The following TGIF1 variants were observed in gnomAD, a reference collection of about 807,000 sequenced individuals.
TGIF1 encodes the protein TGFB induced factor homeobox 1.
In TGIF1, 4 loss-of-function variants were observed where a neutral mutation model predicts 19.3. The observed-to-expected ratio is 0.21, with a 90% CI of 0.10 to 0.47. The LOEUF (loss-of-function observed/expected upper bound fraction) is 0.47. Among genes scored for constraint, TGIF1 ranks in the 20% least tolerant of loss-of-function variants. TGIF1 has a pLI of 0.98. For synonymous variants in TGIF1, 122 were observed against 129.3 expected (o/e 0.94, Z 0.38); for missense variants, 275 against 341.4 (o/e 0.81, Z 1.53).
rs957235538 is a variant in TGIF1 at position 3,451,586 on chromosome 18, G to A, written c.16+1081G>A. ...ATGCCCGGGAGCCGCCTGGAGTTTG[G>A]AACTCCACATTCTTTCAGACCCGGC... is the stretch of plus-strand genomic sequence containing the variant. On this transcript the variant is annotated intron_variant, in intron 1 of 2. Transcript: ENST00000343820. The surrounding 1 kb of genome is among the most constrained non-coding windows in gnomAD (Gnocchi z 5.4). 7 of 1,037,838 alleles carry A rather than the reference G, an allele frequency of 6.7e-6. No homozygotes were observed. The highest frequency in any genetic ancestry group is 9.0e-5 in the South Asian group (2 of 22,172). 64.3% of individuals were successfully genotyped at this position (1,037,838 alleles called of 1,614,324 possible).
upstream of TGIF1, among the ~76,000 whole-genome samples, chr18:3,449,230 TC>T (rs1055870082): frequency 6.6e-6 from 1 of 152,006 alleles, no homozygotes; most frequent in African/African-American, 2.4e-5. Context: ...GGAGGAGGGA[TC>T]CCCTAGCAGG....
At chr18:3,417,303 G>T (rs763419790) in intron 1 of TGIF1, among the ~76,000 whole-genome samples, 5 of 152,090 alleles carry the variant, frequency 3.3e-5, no homozygotes, top group African/African-American at 7.2e-5. Flanking sequence ...GGGACTACAG[G>T]CATGAGCCAC....
At chr18:3,447,741 T>C, upstream of TGIF1, 1 of 1,614,212 alleles carries the variant, frequency 6.2e-7, no homozygotes. Flanking sequence ...CGTTTGGATA[T>C]GACTTGCTCG....
chr18:3,451,207 G>A lies in TGIF1; in HGVS notation c.16+702G>A, dbSNP rs2082914158. 6.6e-6 allele frequency among the ~76,000 whole-genome samples: 1 copy of A among 152,226 alleles called. No individual in the cohort carries two copies. Among genetic ancestry groups the A allele is most frequent in the African/African-American group, 2.4e-5 (1 of 41,460 alleles). ...GGCCAGCAGCTTCAAGCGGCATGCA[G>A]TCAAAATGCGTCCAAATGTGACAAG... On this transcript the variant is annotated intron_variant, in intron 1 of 2. Coordinates refer to ENST00000343820, the MANE Select transcript of TGIF1 (RefSeq NM_003244.4). The surrounding 1 kb of genome is among the most constrained non-coding windows in gnomAD (Gnocchi z 5.4).
upstream of TGIF1, among the ~76,000 whole-genome samples, chr18:3,446,295 T>G (rs1054602555): frequency 2.0e-5 from 3 of 152,120 alleles, no homozygotes; most frequent in East Asian, 5.8e-4. Context: ...GCAACCCTCC[T>G]GTCTCAGCCT....
intron 2 of TGIF1, among the ~76,000 whole-genome samples, chr18:3,425,087 G>A (rs941813767): frequency 8.5e-5 from 13 of 152,302 alleles, no homozygotes; most frequent in Non-Finnish European, 1.8e-4. Context: ...TCTAAAGTGG[G>A]GCAGTCTTGT....
Position 3,456,819 on chromosome 18 carries a change from A to G in TGIF1, c.243+239A>G. ...TGCCTAAAAGAACCTTCCTTTATGC[A>G]ACAGACATTAAAAGGAGGTTAAACC... On this transcript the variant is annotated intron_variant, in intron 2 of 2. Coordinates refer to ENST00000343820, the MANE Select transcript of TGIF1 (RefSeq NM_003244.4). The surrounding 1 kb of genome is among the most constrained non-coding windows in gnomAD (Gnocchi z 4.2). The G allele has an allele frequency of 1.6e-6, 1 of 632,570 alleles. No homozygotes were observed. Among genetic ancestry groups the G allele is most frequent in the Admixed American group, 2.6e-5 (1 of 37,908 alleles). The allele number at this position is 632,570 out of a possible 1,614,324, so 39.2% of individuals were successfully genotyped here.
intron 2 of TGIF1, among the ~76,000 whole-genome samples, chr18:3,430,413 A>G (rs1307016794): frequency 2.6e-5 from 4 of 152,310 alleles, no homozygotes; most frequent in Non-Finnish European, 4.4e-5. Context: ...AATGTTACTT[A>G]TATTAACGTG....
chr18:3,443,246 C>A (rs947062528), intron 2 of TGIF1, among the ~76,000 whole-genome samples: 2 of 151,916 alleles, frequency 1.3e-5, no homozygotes, highest in African/African-American at 2.4e-5. Flanking sequence ...CTGAGTTACA[C>A]ATTGGAAACA....
At chr18:3,447,428 G>A (rs1047628597), upstream of TGIF1, among the ~76,000 whole-genome samples, 1 of 150,976 alleles carries the variant, frequency 6.6e-6, no homozygotes, top group African/African-American at 2.4e-5. Context: ...GACTGACAGA[G>A]CTAGAAATGA....
chr18:3,451,690 AC>A lies in TGIF1; in HGVS notation c.16+1186del, dbSNP rs755512023. ...CTGCGTTTCTGTGGGAGGCCCTGAA[AC>A]GCGCGGAGCTTCCCTCTGCCTCCAG... On this transcript the variant is annotated intron_variant, in intron 1 of 2. Transcript: ENST00000343820. The surrounding 1 kb of genome is among the most constrained non-coding windows in gnomAD (Gnocchi z 5.4). 5.7e-5 allele frequency: 68 copies of A among 1,195,788 alleles called. No individual in the cohort carries two copies. The highest frequency in any genetic ancestry group is 6.6e-5 in the Non-Finnish European group (64 of 964,984). The allele number at this position is 1,195,788 out of a possible 1,614,324, so 74.1% of individuals were successfully genotyped here.
rs2143304904 is a variant in TGIF1, at chr18:3,450,435, G to A, written c.-55G>A. On this transcript the variant is annotated 5_prime_UTR_variant, in exon 1 of 3. Coordinates refer to ENST00000343820, the MANE Select transcript of TGIF1 (RefSeq NM_003244.4). Reference sequence around the variant, plus strand: ...ACGTTCGCTTATCCCCTGTGTCCCCGCTCCTGGCCCCTCCAGACCCCCGCC... The same window carrying A: ...ACGTTCGCTTATCCCCTGTGTCCCCACTCCTGGCCCCTCCAGACCCCCGCC... The A allele has an allele frequency of 6.4e-7, 1 of 1,551,948 alleles. No homozygotes were observed. The highest frequency in any genetic ancestry group is 8.7e-7 in the Non-Finnish European group (1 of 1,147,382).
chr18:3,438,153 A>G (rs1013561149), intron 2 of TGIF1, among the ~76,000 whole-genome samples: 3 of 151,958 alleles, frequency 2.0e-5, no homozygotes, highest in African/African-American at 7.3e-5. Context: ...TTTTTTTTCC[A>G]TAAAGAAGCT....
chr18:3,454,294 C>CT (rs897018721), intron 1 of TGIF1, among the ~76,000 whole-genome samples: 1 of 151,952 alleles, frequency 6.6e-6, no homozygotes, highest in Non-Finnish European at 1.5e-5. Flanking sequence ...CCTTCAGGGG[C>CT]TTTTTTTGTT....
In TGIF1 at chr18:3,459,805, C is replaced by A. The variant is rs765893274; in HGVS notation, c.*1865C>A. The A allele has an allele frequency of 9.2e-5, 14 of 152,158 alleles. No homozygotes were observed. Among genetic ancestry groups the A allele is most frequent in the African/African-American group, 1.2e-4 (5 of 41,430 alleles). 9.4% of individuals were successfully genotyped at this position (152,158 alleles called of 1,614,324 possible). On this transcript the variant is annotated 3_prime_UTR_variant, in exon 3 of 3. Coordinates refer to ENST00000343820, the MANE Select transcript of TGIF1 (RefSeq NM_003244.4). ...CATTTTTTCCCTATTGAGGTTGTTA[C>A]AGGTCATGGTTGATAATAGTTGGTG... is the stretch of plus-strand genomic sequence containing the variant.
intron 2 of TGIF1, chr18:3,418,517 T>C (rs1258022628): frequency 1.3e-5 from 2 of 152,228 alleles, no homozygotes; most frequent in African/African-American, 2.4e-5. Context: ...TTACTTATAA[T>C]ATCTAATACA....
chr18:3,414,695 C>G (rs1403066462), intron 1 of TGIF1, among the ~76,000 whole-genome samples: 1 of 152,162 alleles, frequency 6.6e-6, no homozygotes, highest in Non-Finnish European at 1.5e-5. Context: ...ACATTCCTTT[C>G]AAATATCTTT....
chr18:3,444,993 T>C (rs768474411), intron 2 of TGIF1, among the ~76,000 whole-genome samples: 5 of 152,156 alleles, frequency 3.3e-5, no homozygotes, highest in Non-Finnish European at 5.9e-5. Flanking sequence ...TTGTCACAGC[T>C]TGGGGGAAGG....
At chr18:3,450,882 C>T (rs1444434723) in intron 1 of TGIF1, among the ~76,000 whole-genome samples, 7 of 152,088 alleles carry the variant, frequency 4.6e-5, no homozygotes, top group South Asian at 4.1e-4. Flanking sequence ...GAGGACCCAG[C>T]CCCTCGTTTT....
Sources: gnomAD v4.1 joint callset for allele counts (sites outside exome capture counted in the v4.1 genomes callset) on GRCh38, gnomAD v4.1.1 for gene constraint, Gnocchi (gnomAD v3.1) non-coding constraint, MANE v1.5 for transcripts, NCBI Gene and HGNC (gene_info 2026-07-23, HGNC 2026-07-21) for gene names.